Variants in RFC1 observed in about 807,000 individuals in gnomAD.
RFC1 encodes replication factor C subunit 1.
In RFC1, 37 loss-of-function variants were observed where a neutral mutation model predicts 137.4. That is an observed-to-expected ratio of 0.27 (90% CI 0.21 to 0.35). The LOEUF is 0.35. Ranked by LOEUF, RFC1 falls within the 10% of genes least tolerant of loss-of-function variation. RFC1 has a pLI of 1.00. For missense variants in RFC1, 1,205 were observed against 1,358.5 expected (o/e 0.89, Z 1.78); for synonymous variants, 429 against 455.7 (o/e 0.94, Z 0.75).
rs1301779593 is a variant in RFC1 at position 39,308,876 on chromosome 4, A to G, written c.1645T>C (p.Phe549Leu). ...AKTIKKETDV[F>L]WKSLDFKEQV... ...TCCTTGAAATCCAGGCTTTTCCAAAACACATCTGTTTCCTTTTTTATTGTC... is the reference window on the plus strand; with the variant it reads ...TCCTTGAAATCCAGGCTTTTCCAAAGCACATCTGTTTCCTTTTTTATTGTC... The change falls in exon 13 of 25, where the codon TTT (phenylalanine) becomes CTT (leucine). Residue 549 changes from phenylalanine to leucine, a missense_variant. Coordinates refer to ENST00000349703, the MANE Select transcript of RFC1 (RefSeq NM_002913.5). 7.4e-6 allele frequency: 12 copies of G among 1,614,128 alleles called. No individual in the cohort carries two copies. The highest frequency in any genetic ancestry group is 1.3e-5 in the African/African-American group (1 of 75,018).
chr4:39,289,938 C>G lies in RFC1; in HGVS notation c.3270G>C (p.Leu1090=), dbSNP rs778383659. Residue 1090 remains leucine, a synonymous_variant, in exon 24 of 25, where the codon CTG becomes CTC. Coordinates refer to ENST00000349703, the MANE Select transcript of RFC1 (RefSeq NM_002913.5). The part of the protein sequence containing the change: ...KASRHSTSPS[L]DSEYNEELNE... ...TTAATTCTTCATTGTATTCCGAATC[C>G]AGGGATGGGCTTGTGCTGTGTCTAG... 6.2e-7 allele frequency: 1 copy of G among 1,613,140 alleles called. No homozygotes were observed. Among genetic ancestry groups the G allele is most frequent in the Admixed American group, 1.7e-5 (1 of 59,996 alleles).
chr4:39,304,864 G>A lies in RFC1; in HGVS notation c.2060C>T (p.Ala687Val), dbSNP rs370446342. Residue 687 changes from alanine (A) to valine (V), a missense_variant, in exon 15 of 25, where the codon GCG (alanine) becomes GTG (valine). Physicochemically the swap from Ala to Val is moderately conservative, Grantham distance 64. Transcript: ENST00000349703. ...SDTRSKSSLK[A>V]IVAESLNNTS... ...ATTGTTCAGTGACTCAGCAACAATCGCCTTCAAACTGCTCTTACTCCGGGT... is the reference window on the plus strand; with the variant it reads ...ATTGTTCAGTGACTCAGCAACAATCACCTTCAAACTGCTCTTACTCCGGGT... The A allele has an allele frequency of 4.3e-6, 7 of 1,613,372 alleles. No homozygotes were observed. In the Admixed American group the frequency reaches 5.0e-5, roughly 12 times the overall value.
intron 7 of RFC1, 56 bp from the exon 8 acceptor site, chr4:39,321,430 A>G: frequency 6.6e-7 from 1 of 1,510,404 alleles, no homozygotes; most frequent in Non-Finnish European, 9.1e-7. Flanking sequence ...CTATTACCAT[A>G]AAATCTGTTG....
intron 4 of RFC1, chr4:39,341,542 A>G (rs1392216595): frequency 2.2e-6 from 1 of 448,828 alleles, no homozygotes; most frequent in Non-Finnish European, 4.5e-6. Flanking sequence ...CGTAACCTAC[A>G]AAGTTCACCT....
chr4:39,327,838 A>C, intron 4 of RFC1, 82 bp from the exon 5 acceptor site: 3 of 1,064,678 alleles, frequency 2.8e-6, no homozygotes, highest in Non-Finnish European at 2.6e-6. Flanking sequence ...ACTTTATAAA[A>C]AGTATACAAG....
chr4:39,345,843 G>A (rs747542140), intron 2 of RFC1, among the ~76,000 whole-genome samples: 6 of 152,110 alleles, frequency 3.9e-5, no homozygotes, highest in Non-Finnish European at 7.4e-5. Context: ...GGGTAGGGAG[G>A]TTTACTGTCA....
intron 1 of RFC1, among the ~76,000 whole-genome samples, chr4:39,365,832 A>G (rs914963805): frequency 6.6e-6 from 1 of 152,316 alleles, no homozygotes; most frequent in Non-Finnish European, 1.5e-5. Flanking sequence ...AGTTTGTTAC[A>G]TTCTTCTCCC....
At chr4:39,304,464 C>T (rs1421962826) in intron 15 of RFC1, among the ~76,000 whole-genome samples, 3 of 152,178 alleles carry the variant, frequency 2.0e-5, no homozygotes, top group Non-Finnish European at 2.9e-5. Flanking sequence ...TTATTACATA[C>T]ATGCAGAGTG....
intron 21 of RFC1, among the ~76,000 whole-genome samples, chr4:39,296,062 C>T (rs1383250739): frequency 2.0e-5 from 3 of 152,074 alleles, no homozygotes; most frequent in Admixed American, 6.6e-5. Flanking sequence ...CCGATGCCAA[C>T]GTCACAGCAA....
intron 24 of RFC1, 128 bp from the exon 25 acceptor site, chr4:39,288,972 G>A (rs554405180): frequency 2.9e-5 from 20 of 683,530 alleles, no homozygotes; most frequent in Admixed American, 1.7e-4. Context: ...TGCAAACATC[G>A]AGATCTTGAA....
intron 12 of RFC1, among the ~76,000 whole-genome samples, chr4:39,310,030 A>G (rs1056062042): frequency 1.3e-5 from 2 of 152,216 alleles, no homozygotes; most frequent in African/African-American, 2.4e-5. Context: ...TAACCAAATA[A>G]TCAAGATTAT....
Position 39,364,849 on chromosome 4 carries a change from G to A in RFC1, c.3+1390C>T, listed in dbSNP as rs141107657. Among the ~76,000 whole-genome samples, 291 of 152,146 alleles carry A rather than the reference G, an allele frequency of 1.9e-3. 2 individuals are homozygous for A. The highest frequency in any genetic ancestry group is 6.6e-3 in the African/African-American group (273 of 41,512). On this transcript the variant is annotated intron_variant, in intron 1 of 24. Transcript: ENST00000349703. The stretch of plus-strand genomic sequence containing the variant: ...AAGCTATTTACTTGCCCAAGACCAC[G>A]TAACTATTAAACTAGACTATACTAA...
chr4:39,292,118 C>G (rs1460432537), intron 22 of RFC1: 4 of 426,818 alleles, frequency 9.4e-6, no homozygotes, highest in Non-Finnish European at 1.7e-5. Context: ...TCTACTTCCA[C>G]CCTACTCTTA....
intron 23 of RFC1, 49 bp from the exon 24 acceptor site, chr4:39,290,088 A>C: frequency 7.2e-7 from 1 of 1,391,070 alleles, no homozygotes; most frequent in Non-Finnish European, 1.0e-6. Context: ...GTCCCAAACA[A>C]TTCTTTTAAA....
chr4:39,290,510 A>G, intron 23 of RFC1, among the ~76,000 whole-genome samples: 1 of 152,178 alleles, frequency 6.6e-6, no homozygotes, highest in Non-Finnish European at 1.5e-5. Context: ...TAATCAGTGA[A>G]TCAGTAAATC....
chr4:39,304,986 G>A (rs1013716926), intron 14 of RFC1, 58 bp from the exon 15 acceptor site: 24 of 908,890 alleles, frequency 2.6e-5, no homozygotes, highest in South Asian at 4.0e-5. Context: ...CACCACCCCC[G>A]CCAAGAAAGG....
chr4:39,287,727 A>T lies in RFC1; in HGVS notation c.*1034T>A, dbSNP rs9825. ...AGGCTAGGTCCATAGCCTCACGGCC[A>T]CTCAACACATACAGTTATAGGAATA... is the stretch of plus-strand genomic sequence containing the variant. On this transcript the variant is annotated 3_prime_UTR_variant, in exon 25 of 25. Coordinates refer to ENST00000349703, the MANE Select transcript of RFC1 (RefSeq NM_002913.5). The T allele has an allele frequency of 1.3e-5, 2 of 152,214 alleles. No individual in the cohort carries two copies. The highest frequency in any genetic ancestry group is 4.8e-5 in the African/African-American group (2 of 41,438). 9.4% of individuals were successfully genotyped at this position (152,214 alleles called of 1,614,324 possible).
chr4:39,323,835 A>T (rs1739636541), intron 6 of RFC1, among the ~76,000 whole-genome samples: 1 of 152,210 alleles, frequency 6.6e-6, no homozygotes, highest in Admixed American at 6.5e-5. Context: ...CTAAGAATTT[A>T]AAAAAATTAT....
rs59108312 is a variant in RFC1, at chr4:39,362,807, C to T, written c.3+3432G>A. Among the ~76,000 whole-genome samples the T allele has an allele frequency of 2.5e-3, 377 of 152,160 alleles. 1 individual carries two copies. The highest frequency in any genetic ancestry group is 8.7e-3 in the African/African-American group (359 of 41,494). On this transcript the variant is annotated intron_variant, in intron 1 of 24. Coordinates refer to ENST00000349703, the MANE Select transcript of RFC1 (RefSeq NM_002913.5). ...AAGAAAGAAAATAGCAACAAAAGCC[C>T]GGAGAGAAACAGAACCAACCTAACA...
Sources: allele counts gnomAD v4.1 joint callset (sites outside exome capture counted in the v4.1 genomes callset), GRCh38; gene constraint gnomAD v4.1.1; transcripts MANE v1.5; gene names NCBI Gene and HGNC (gene_info 2026-07-23, HGNC 2026-07-21).